KDM2A: variants seen among roughly 807,000 people sequenced by gnomAD.
KDM2A encodes lysine-specific demethylase 2A.
KDM2A carries 3 observed loss-of-function variants against 137.3 expected under a neutral mutation model. The ratio of observed to expected loss-of-function variants is 0.02; its 90% confidence interval spans 0.01 to 0.06. The LOEUF is 0.06. KDM2A is among the 10% of genes least tolerant of loss of function. The pLI is 1.00. For synonymous variants in KDM2A, 512 were observed against 541.5 expected, an observed-to-expected ratio of 0.95 and a Z score of 0.76; for missense variants, 738 against 1,510.6, an observed-to-expected ratio of 0.49 and a Z score of 8.48.
intron 2 of KDM2A, among the ~76,000 whole-genome samples, chr11:67,130,056 G>A (rs1401157794): frequency 1.3e-5 from 2 of 150,448 alleles, no homozygotes; most frequent in East Asian, 2.0e-4. Context: ...TCCGCCTCCC[G>A]GGTTCAAGTG....
Position 67,197,543 on chromosome 11 carries a change from C to A in KDM2A, c.308-9967C>A, listed in dbSNP as rs190367838. Among the ~76,000 whole-genome samples the A allele has an allele frequency of 3.2e-4, 48 of 152,236 alleles. No individual in the cohort carries two copies. The East Asian group carries it at 8.9e-3, about 28-fold the overall frequency. On this transcript the variant is annotated intron_variant, in intron 5 of 20. Coordinates refer to ENST00000529006, the MANE Select transcript of KDM2A (RefSeq NM_012308.3). ...TTTTTTTGTTTCTTGGATAGCTAAT[C>A]ATTGGCAAAATGCAGTGAAAAAGCT...
intron 2 of KDM2A, among the ~76,000 whole-genome samples, chr11:67,128,319 C>T (rs1205261523): frequency 3.3e-5 from 5 of 151,920 alleles, no homozygotes; most frequent in South Asian, 2.1e-4. Flanking sequence ...CGCCTGGACC[C>T]GTTCCCACTC....
chr11:67,180,285 G>T, intron 3 of KDM2A, 68 bp downstream of exon 3: 1 of 1,498,092 alleles, frequency 6.7e-7, no homozygotes, highest in Middle Eastern at 1.8e-4. Context: ...GAGCATTGGG[G>T]GTTTAGCCTT....
intron 3 of KDM2A, 93 bp downstream of exon 3, chr11:67,180,310 A>G (rs1217505928): frequency 4.6e-6 from 6 of 1,313,646 alleles, no homozygotes; most frequent in Non-Finnish European, 5.2e-6. Flanking sequence ...CAGCTAAAAT[A>G]TTGCCTGTTG....
At chr11:67,211,671 C>A (rs1168433082) in intron 6 of KDM2A, among the ~76,000 whole-genome samples, 2 of 127,844 alleles carry the variant, frequency 1.6e-5, no homozygotes, top group African/African-American at 5.7e-5. Context: ...ATTAGTAGTT[C>A]TTTTTTAATT....
intron 2 of KDM2A, among the ~76,000 whole-genome samples, chr11:67,126,408 A>T (rs757041459): frequency 6.6e-6 from 1 of 151,662 alleles, no homozygotes; most frequent in Non-Finnish European, 1.5e-5. Flanking sequence ...CCCGTTTCTC[A>T]CACACAGATT....
intron 5 of KDM2A, among the ~76,000 whole-genome samples, chr11:67,184,357 C>T (rs1453091853): frequency 9.2e-5 from 14 of 151,954 alleles, no homozygotes; most frequent in African/African-American, 1.9e-4. Context: ...AGGCCGGGTG[C>T]GGTGGTTGAC....
chr11:67,241,850 C>T (rs1027369602), intron 12 of KDM2A, among the ~76,000 whole-genome samples: 11 of 152,158 alleles, frequency 7.2e-5, no homozygotes, highest in Non-Finnish European at 1.2e-4. Flanking sequence ...AAGCGGATCA[C>T]CTGAGGTCAG....
chr11:67,218,528 A>G (rs1858237364), intron 9 of KDM2A, among the ~76,000 whole-genome samples: 1 of 152,184 alleles, frequency 6.6e-6, no homozygotes, highest in Non-Finnish European at 1.5e-5. Context: ...GCCTTCTTAA[A>G]ACATTATGAG....
intron 9 of KDM2A, among the ~76,000 whole-genome samples, chr11:67,218,345 C>T (rs1013382346): frequency 6.6e-6 from 1 of 152,178 alleles, no homozygotes; most frequent in Non-Finnish European, 1.5e-5. Context: ...AGGATTCTGA[C>T]TATGCATTTA....
At chr11:67,206,781 A>G (rs1023649845) in intron 5 of KDM2A, among the ~76,000 whole-genome samples, 3 of 152,174 alleles carry the variant, frequency 2.0e-5, no homozygotes, top group African/African-American at 7.2e-5. Flanking sequence ...CTCCAAAGCT[A>G]TTGTTTTCTC....
At chr11:67,151,979 A>G (rs972574722) in intron 2 of KDM2A, among the ~76,000 whole-genome samples, 5 of 152,092 alleles carry the variant, frequency 3.3e-5, no homozygotes, top group Non-Finnish European at 7.3e-5. Flanking sequence ...ATTATTGATT[A>G]CATTTGAAGT....
chr11:67,128,524 G>T (rs1489494064), intron 2 of KDM2A, among the ~76,000 whole-genome samples: 2 of 152,010 alleles, frequency 1.3e-5, no homozygotes, highest in Non-Finnish European at 2.9e-5. Context: ...TGGTCTCATT[G>T]TTGCGGCCTC....
intron 5 of KDM2A, among the ~76,000 whole-genome samples, chr11:67,188,339 G>A (rs1188266848): frequency 2.0e-5 from 3 of 151,852 alleles, no homozygotes; most frequent in East Asian, 1.9e-4. Context: ...AATATTAGCC[G>A]GGTGTGGTGG....
intron 13 of KDM2A, chr11:67,243,924 T>C (rs970758524): frequency 1.3e-5 from 2 of 152,250 alleles, no homozygotes; most frequent in Non-Finnish European, 2.9e-5. Flanking sequence ...TTCCCCATAC[T>C]GTCCTCTATC....
chr11:67,228,840 A>G (rs1858626381), intron 11 of KDM2A, among the ~76,000 whole-genome samples: 2 of 152,122 alleles, frequency 1.3e-5, no homozygotes, highest in African/African-American at 4.8e-5. Context: ...GGGCTCAAGC[A>G]ATCCCCCTCC....
intron 6 of KDM2A, among the ~76,000 whole-genome samples, chr11:67,209,528 C>T (rs1053474126): frequency 4.0e-5 from 6 of 151,886 alleles, no homozygotes; most frequent in Admixed American, 3.3e-4. Context: ...ACTGCAGCCT[C>T]CGCCTCCCAG....
At chr11:67,186,840 G>A (rs1857218397) in intron 5 of KDM2A, among the ~76,000 whole-genome samples, 1 of 152,148 alleles carries the variant, frequency 6.6e-6, no homozygotes, top group Non-Finnish European at 1.5e-5. Flanking sequence ...GGCTGAGGTG[G>A]GAGGATTGCT....
Position 67,208,921 on chromosome 11 carries a change from A to G in KDM2A, c.486+1233A>G, listed in dbSNP as rs560845164. ...TCACGAGACCCCCAAAAATAAAAATAAACATTTTTATTATTTATTATTTTT... is the reference window on the plus strand; with the variant it reads ...TCACGAGACCCCCAAAAATAAAAATGAACATTTTTATTATTTATTATTTTT... On this transcript the variant is annotated intron_variant, in intron 6 of 20. Transcript: ENST00000529006. Among the ~76,000 whole-genome samples the G allele has an allele frequency of 7.2e-5, 11 of 152,130 alleles. No homozygotes were observed. In the South Asian group the frequency reaches 2.3e-3, roughly 32 times the overall value.
Sources: allele counts gnomAD v4.1 joint callset (sites outside exome capture counted in the v4.1 genomes callset), GRCh38; gene constraint gnomAD v4.1.1; transcripts MANE v1.5; gene names NCBI Gene and HGNC (gene_info 2026-07-23, HGNC 2026-07-21).